The following NUDT3 variants were observed in gnomAD, a reference collection of about 807,000 sequenced individuals.
NUDT3 encodes the protein diphosphoinositol polyphosphate phosphohydrolase 1.
NUDT3 carries 9 observed loss-of-function variants against 23.6 expected under a neutral mutation model. The ratio of observed to expected loss-of-function variants is 0.38; its 90% CI spans 0.23 to 0.66. The LOEUF (loss-of-function observed/expected upper bound fraction) is 0.66, where lower values mean the gene tolerates loss of function less well. NUDT3 is among the 30% of genes least tolerant of loss of function. NUDT3 has a pLI of 0.52. For synonymous variants in NUDT3, 86 were observed against 82.6 expected (o/e 1.04, Z -0.22); for missense variants, 172 against 218.5 (o/e 0.79, Z 1.34).
rs369383797 is a variant in NUDT3 at position 34,365,710 on chromosome 6, C to T, written c.100-23738G>A. Among the ~76,000 whole-genome samples the T allele has an allele frequency of 1.8e-4, 27 of 152,200 alleles. No individual in the cohort carries two copies. In the East Asian group the frequency reaches 3.1e-3, roughly 17 times the overall value. Reference sequence around the variant, plus strand: ...AGAGGATCCCTTGAGGCCAGGAGTTCGAGACGAGTCTGGGTCACACAGCAA... The same window carrying T: ...AGAGGATCCCTTGAGGCCAGGAGTTTGAGACGAGTCTGGGTCACACAGCAA... On this transcript the variant is annotated intron_variant, in intron 1 of 4. Coordinates refer to ENST00000607016, the MANE Select transcript of NUDT3 (RefSeq NM_006703.4).
chr6:34,354,342 T>C (rs1764524849), intron 1 of NUDT3, among the ~76,000 whole-genome samples: 2 of 150,784 alleles, frequency 1.3e-5, no homozygotes, highest in African/African-American at 4.9e-5. Context: ...TCTATGATCA[T>C]CCTATGAACA....
At chr6:34,381,759 GCAAAA>G (rs1765021343) in intron 1 of NUDT3, among the ~76,000 whole-genome samples, 2 of 152,006 alleles carry the variant, frequency 1.3e-5, no homozygotes, top group Admixed American at 6.6e-5. Context: ...AATCATTTCT[GCAAAA>G]AGGAAGCAAA....
chr6:34,369,077 G>A (rs941872124), intron 1 of NUDT3, among the ~76,000 whole-genome samples: 1 of 151,994 alleles, frequency 6.6e-6, no homozygotes, highest in African/African-American at 2.4e-5. Flanking sequence ...ACCTGTAATA[G>A]ACCACTGGTT....
chr6:34,357,283 C>T (rs1477664543), intron 1 of NUDT3, among the ~76,000 whole-genome samples: 2 of 151,978 alleles, frequency 1.3e-5, no homozygotes, highest in Non-Finnish European at 2.9e-5. Flanking sequence ...CTATACTATT[C>T]AGTCCACTTT....
chr6:34,366,123 T>C (rs1764724770), intron 1 of NUDT3, among the ~76,000 whole-genome samples: 1 of 151,058 alleles, frequency 6.6e-6, no homozygotes, highest in African/African-American at 2.4e-5. Flanking sequence ...TCCTAGCACT[T>C]TGGGAGACCA....
At chr6:34,381,450 GA>G (rs924346027) in intron 1 of NUDT3, among the ~76,000 whole-genome samples, 6 of 148,028 alleles carry the variant, frequency 4.1e-5, no homozygotes, top group Admixed American at 6.7e-5. Context: ...ATTCCCTCTT[GA>G]AAAAAAAATG....
chr6:34,351,307 C>T (rs552692762), intron 1 of NUDT3, among the ~76,000 whole-genome samples: 23 of 144,362 alleles, frequency 1.6e-4, no homozygotes, highest in Non-Finnish European at 1.2e-4. Flanking sequence ...AGACCTGTCT[C>T]TACAAAAAAA....
Position 34,341,891 on chromosome 6 carries a change from C to T in NUDT3, c.181G>A (p.Val61Met). Residue 61 changes from valine to methionine, a missense_variant, in exon 2 of 5, where the codon GTG (valine) becomes ATG (methionine). Val to Met is a conservative substitution (Grantham distance 21, BLOSUM62 1). This residue lies in a region of NUDT3 where 59 missense variants were observed against 107.4 expected (regional missense o/e 0.55). Coordinates refer to ENST00000607016, the MANE Select transcript of NUDT3 (RefSeq NM_006703.4). The part of the protein sequence containing the change: ...GGMEPEEEPS[V>M]AAVREVCEEA... The stretch of plus-strand genomic sequence containing the variant: ...TCACAGACTTCACGAACTGCTGCCA[C>T]ACTTGGCTCCTCCTCGGGCTCCATG... The T allele has an allele frequency of 6.2e-7, 1 of 1,614,114 alleles. No individual in the cohort carries two copies. The highest frequency in any genetic ancestry group is 8.5e-7 in the Non-Finnish European group (1 of 1,179,966).
chr6:34,358,258 T>TACACACACACACACACAC (rs71538235), intron 1 of NUDT3, among the ~76,000 whole-genome samples: 1 of 144,604 alleles, frequency 6.9e-6, no homozygotes, highest in African/African-American at 2.5e-5. Context: ...ATGAGTAGTT[T>TACACACACACACACACAC]ACACACACAC....
chr6:34,340,516 A>G (rs569137891), intron 2 of NUDT3, among the ~76,000 whole-genome samples: 1 of 152,330 alleles, frequency 6.6e-6, no homozygotes, highest in Admixed American at 6.5e-5. Context: ...TGACAGTAAC[A>G]GAAACCAGGA....
intron 1 of NUDT3, among the ~76,000 whole-genome samples, chr6:34,364,279 T>C (rs1434705022): frequency 6.6e-6 from 1 of 152,232 alleles, no homozygotes; most frequent in Non-Finnish European, 1.5e-5. Flanking sequence ...TGGTAAATTA[T>C]TGTAAATATA....
At chr6:34,332,763 A>G (rs2113727918) in intron 2 of NUDT3, among the ~76,000 whole-genome samples, 1 of 152,278 alleles carries the variant, frequency 6.6e-6, no homozygotes, top group South Asian at 2.1e-4. Flanking sequence ...AGGAATGGCT[A>G]TACTGTAGGC....
chr6:34,291,445 G>A (rs576157209), intron 4 of NUDT3, among the ~76,000 whole-genome samples: 27 of 152,138 alleles, frequency 1.8e-4, no homozygotes, highest in African/African-American at 6.5e-4. Context: ...AGTCCTGCTT[G>A]TGTATGTCAG....
rs1363518911 is a variant in NUDT3, at chr6:34,280,845, G to C, written c.*7908C>G. 1 of 152,120 alleles carries C rather than the reference G, an allele frequency of 6.6e-6. No individual in the cohort carries two copies. The highest frequency in any genetic ancestry group is 1.5e-5 in the Non-Finnish European group (1 of 68,030). The allele number at this position is 152,120 out of a possible 1,614,324, so 9.4% of individuals were successfully genotyped here. ...TGGTCCCTGGGTACATGGGTCCCTG[G>C]CTCTCTGTCTCAGTTCCACAGATAT... On this transcript the variant is annotated 3_prime_UTR_variant, in exon 5 of 5. Coordinates refer to ENST00000607016, the MANE Select transcript of NUDT3 (RefSeq NM_006703.4).
chr6:34,341,775 G>T, intron 2 of NUDT3, 87 bp downstream of exon 2: 1 of 1,144,806 alleles, frequency 8.7e-7, no homozygotes. Context: ...TATTTATTCA[G>T]TGAGTGCTGA....
At chr6:34,302,811 T>G (rs568560280) in intron 2 of NUDT3, among the ~76,000 whole-genome samples, 1 of 152,324 alleles carries the variant, frequency 6.6e-6, no homozygotes, top group South Asian at 2.1e-4. Flanking sequence ...CTTTTCTAAT[T>G]ATCTGAGAGT....
intron 2 of NUDT3, among the ~76,000 whole-genome samples, chr6:34,318,769 C>T (rs970599489): frequency 4.6e-5 from 7 of 151,948 alleles, no homozygotes; most frequent in Admixed American, 4.6e-4. Flanking sequence ...CGCTATGTTG[C>T]CTAGGCTGGC....
In NUDT3 at chr6:34,287,626, G is replaced by C. The variant is rs775330464; in HGVS notation, c.*1127C>G. 2 of 152,144 alleles carry C rather than the reference G, an allele frequency of 1.3e-5. No homozygotes were observed. The highest frequency in any genetic ancestry group is 2.4e-5 in the African/African-American group (1 of 41,418). 9.4% of individuals were successfully genotyped at this position (152,144 alleles called of 1,614,324 possible). On this transcript the variant is annotated 3_prime_UTR_variant, in exon 5 of 5. Transcript: ENST00000607016. ...TCCCTAGTGTACTTTTCAGGAACAC[G>C]GTTACTCAGTTCAGGGACAGGACTA...
chr6:34,376,290 A>G (rs1393908139), intron 1 of NUDT3, among the ~76,000 whole-genome samples: 4 of 151,802 alleles, frequency 2.6e-5, no homozygotes, highest in African/African-American at 9.7e-5. Flanking sequence ...TCTGTCACCG[A>G]GGCTGGAGTG....
Sources: gnomAD v4.1 joint callset for allele counts (sites outside exome capture counted in the v4.1 genomes callset) on GRCh38, gnomAD v4.1.1 for gene constraint, gnomAD v4.1.1 regional missense constraint, MANE v1.5 for transcripts, NCBI Gene and HGNC (gene_info 2026-07-23, HGNC 2026-07-21) for gene names.